AIFM2: variants seen among roughly 807,000 people sequenced by gnomAD.
AIFM2 encodes AIF family member 2, ferroptosis suppressor.
Under a neutral mutation model 35.7 loss-of-function variants are expected in AIFM2, and 38 were observed. That is an observed-to-expected ratio of 1.06 (90% confidence interval 0.82 to 1.39). The LOEUF (loss-of-function observed/expected upper bound fraction) is 1.39, where lower values mean the gene tolerates loss of function less well. AIFM2 is among the 40% of genes most tolerant of loss of function. The pLI is 0.00. For missense variants in AIFM2, 476 were observed against 491.2 expected (o/e 0.97, Z 0.29); for synonymous variants, 185 against 203.5 (o/e 0.91, Z 0.77).
Position 70,113,989 on chromosome 10 carries a change from G to A in AIFM2, c.*189C>T, listed in dbSNP as rs2072404574. ...TCCAAACCCAGAAAGTATCCTCTAA[G>A]GGGGGTATTTGTTTAATACCTCTCT... On this transcript the variant is annotated 3_prime_UTR_variant, in exon 9 of 9. Transcript: ENST00000307864. The A allele has an allele frequency of 7.1e-6, 5 of 707,184 alleles. No individual in the cohort carries two copies. Among genetic ancestry groups the A allele is most frequent in the Non-Finnish European group, 1.1e-5 (5 of 448,226 alleles). 43.8% of individuals were successfully genotyped at this position (707,184 alleles called of 1,614,324 possible).
At chr10:70,118,744 A>G (rs1198388029) in intron 5 of AIFM2, among the ~76,000 whole-genome samples, 3 of 152,216 alleles carry the variant, frequency 2.0e-5, no homozygotes, top group African/African-American at 7.2e-5. Flanking sequence ...AAATTGGGGT[A>G]CTAAGAATCA....
chr10:70,118,803 T>C (rs530038422), intron 5 of AIFM2, among the ~76,000 whole-genome samples: 5 of 152,168 alleles, frequency 3.3e-5, no homozygotes, highest in Non-Finnish European at 7.3e-5. Context: ...ACAGAGCTCC[T>C]GAGATCTTTG....
chr10:70,123,911 C>G lies in AIFM2; in HGVS notation c.174G>C (p.Glu58Asp). 6.3e-7 allele frequency: 1 copy of G among 1,579,474 alleles called. No individual in the cohort carries two copies. The part of the protein sequence containing the change: ...HNVAALRASV[E>D]TGFAKKTFIS... ...CCCCAGACGGGAGCACATTACCTGT[C>G]TCCACGGAGGCTCGGAGAGCAGCCA... Residue 58 changes from glutamate to aspartate, a missense_variant, in exon 2 of 9, where the codon GAG (glutamate) becomes GAC (aspartate). Physicochemically the swap from Glu to Asp is conservative, Grantham distance 45 (BLOSUM62 2). Transcript: ENST00000307864.
chr10:70,130,182 CA>C (rs920789192), intron 1 of AIFM2, among the ~76,000 whole-genome samples: 104 of 151,678 alleles, frequency 6.9e-4, no homozygotes, highest in Middle Eastern at 3.4e-3. Flanking sequence ...GACTCTGTCT[CA>C]AAAAAAAATT....
intron 1 of AIFM2, among the ~76,000 whole-genome samples, chr10:70,128,586 C>T (rs2072593817): frequency 6.6e-6 from 1 of 152,230 alleles, no homozygotes; most frequent in Non-Finnish European, 1.5e-5. Context: ...TGGTCTCGAA[C>T]TCCTGACCTC....
At chr10:70,129,126 A>AT (rs35700120) in intron 1 of AIFM2, among the ~76,000 whole-genome samples, 5,465 of 133,872 alleles carry the variant, frequency 0.041, 140 homozygotes, top group Non-Finnish European at 0.057. Context: ...GAGCTGGCTA[A>AT]TTTTTTTTTT....
chr10:70,127,697 G>A (rs2072584005), intron 1 of AIFM2, among the ~76,000 whole-genome samples: 2 of 152,188 alleles, frequency 1.3e-5, no homozygotes, highest in Admixed American at 6.5e-5. Context: ...TGACCCCCAG[G>A]CCCCTAGTAT....
chr10:70,115,680 C>T (rs1418872134), intron 7 of AIFM2, among the ~76,000 whole-genome samples: 2 of 152,164 alleles, frequency 1.3e-5, no homozygotes, highest in Admixed American at 6.5e-5. Context: ...GCACAAGAGT[C>T]GCTTGAACCC....
At chr10:70,114,412 G>GA in intron 8 of AIFM2, 83 bp from the exon 9 acceptor site, 8 of 1,541,054 alleles carry the variant, frequency 5.2e-6, no homozygotes, top group Non-Finnish European at 7.0e-6. Context: ...CCTTCCCGAG[G>GA]CCTTCAGACT....
rs150269882 is a variant in AIFM2 at position 70,130,355 on chromosome 10, C to T, written c.-14+2379G>A. On this transcript the variant is annotated intron_variant, in intron 1 of 8. Coordinates refer to ENST00000307864, the MANE Select transcript of AIFM2 (RefSeq NM_032797.6). ...CTAGCCCTGGGTAGCTACTAATGTT[C>T]TTTCTGTCTCTATAGATTTGTCTGT... 1.4e-3 allele frequency among the ~76,000 whole-genome samples: 213 copies of T among 152,254 alleles called. 3 individuals carry two copies. In the East Asian group the frequency reaches 0.014, roughly 10 times the overall value.
rs2072628999 is a variant in AIFM2, at chr10:70,131,724, G to C, written c.-14+1010C>G. Among the ~76,000 whole-genome samples the C allele has an allele frequency of 6.6e-6, 1 of 152,166 alleles. No individual in the cohort carries two copies. The highest frequency in any genetic ancestry group is 2.1e-4 in the South Asian group (1 of 4,830). ...TGCCCAGCCCATCACTTCTGGGCTA[G>C]GTAGTGCTAAGCCTGCCCAGCCCAC... On this transcript the variant is annotated intron_variant, in intron 1 of 8. Coordinates refer to ENST00000307864, the MANE Select transcript of AIFM2 (RefSeq NM_032797.6). This position sits in a 1 kb window ranked among gnomAD's most constrained non-coding sequence, Gnocchi z 4.1.
At chr10:70,114,576 G>C (rs1207675770) in intron 8 of AIFM2, among the ~76,000 whole-genome samples, 1 of 152,138 alleles carries the variant, frequency 6.6e-6, no homozygotes, top group Non-Finnish European at 1.5e-5. Context: ...CTGGGTTCAA[G>C]CCATTCTCCT....
At chr10:70,124,648 G>T (rs956768088) in intron 1 of AIFM2, among the ~76,000 whole-genome samples, 2 of 152,166 alleles carry the variant, frequency 1.3e-5, no homozygotes, top group Non-Finnish European at 2.9e-5. Flanking sequence ...AAAGAACCAG[G>T]TGGGCAATGT....
chr10:70,123,614 CA>C, intron 2 of AIFM2, 94 bp from the exon 3 acceptor site: 1 of 1,166,330 alleles, frequency 8.6e-7, no homozygotes, highest in Non-Finnish European at 1.3e-6. Context: ...TGCAAACCAA[CA>C]GGGGTGCCCT....
rs1179516002 is a variant in AIFM2 at position 70,117,876 on chromosome 10, G to A, written c.552C>T (p.Leu184=). Residue 184 remains leucine, a synonymous_variant, in exon 6 of 9, where the codon CTC becomes CTT. Transcript: ENST00000307864. This position sits in a 1 kb window ranked among gnomAD's most constrained non-coding sequence, Gnocchi z 4.7. ...HSQVALADKE[L]LPSVRQEVKE... ...TCACTTCCTGCCGGACGGAGGGCAG[G>A]AGCTCCTTGTCAGCCAGGGCCACTT... The A allele has an allele frequency of 8.7e-6, 14 of 1,607,082 alleles. No homozygotes were observed. The highest frequency in any genetic ancestry group is 1.1e-5 in the South Asian group (1 of 90,196).
chr10:70,123,409 C>G lies in AIFM2; in HGVS notation c.290G>C (p.Gly97Ala). The change falls in exon 3 of 9, where the codon GGC (glycine) becomes GCC (alanine). Residue 97 changes from glycine (G) to alanine (A), a missense_variant. Physicochemically the swap from Gly to Ala is moderately conservative, Grantham distance 60. Transcript: ENST00000307864. ...GCCGGGCTGGCCCTCACTCACCTCG[C>G]CACCCTGCAGCAGCACCATCTGGTT... Reference protein sequence around the residue: ...LKNQMVLLQGGEALPFSHLIL... With the variant: ...LKNQMVLLQGAEALPFSHLIL... 1 of 1,613,990 alleles carries G rather than the reference C, an allele frequency of 6.2e-7. No homozygotes were observed. Among genetic ancestry groups the G allele is most frequent in the Non-Finnish European group, 8.5e-7 (1 of 1,179,902 alleles).
intron 1 of AIFM2, among the ~76,000 whole-genome samples, chr10:70,124,919 G>A (rs921452700): frequency 1.3e-5 from 2 of 152,166 alleles, no homozygotes; most frequent in Admixed American, 6.5e-5. Flanking sequence ...TCCCAAAAAG[G>A]AACAGTGTTA....
Position 70,114,886 on chromosome 10 carries a change from A to G in AIFM2, c.970+34T>C, listed in dbSNP as rs773312641. On this transcript the variant is annotated intron_variant, in intron 8 of 8. Transcript: ENST00000307864. ...TTCCCCATGTTTAACCCCAAACTCTATTAAAACTGCAAAGCACATGGGGCC... is the reference window on the plus strand; with the variant it reads ...TTCCCCATGTTTAACCCCAAACTCTGTTAAAACTGCAAAGCACATGGGGCC... 5.0e-6 allele frequency: 8 copies of G among 1,608,652 alleles called. No individual in the cohort carries two copies. The African/African-American group carries it at 9.4e-5, about 19-fold the overall frequency.
In AIFM2 at chr10:70,117,080, A is replaced by G. The variant is rs914267625; in HGVS notation, c.617-306T>C. ...ATGGAAGATCTCAGACGCGCCTCTTATGAGTGCCAGCCGTGCCATCCTAAC... is the reference window on the plus strand; with the variant it reads ...ATGGAAGATCTCAGACGCGCCTCTTGTGAGTGCCAGCCGTGCCATCCTAAC... On this transcript the variant is annotated intron_variant, in intron 6 of 8. Transcript: ENST00000307864. The surrounding 1 kb of genome is among the most constrained non-coding windows in gnomAD (Gnocchi z 4.7). Among the ~76,000 whole-genome samples, 13 of 152,230 alleles carry G rather than the reference A, an allele frequency of 8.5e-5. No homozygotes were observed. Among genetic ancestry groups the G allele is most frequent in the Non-Finnish European group, 2.9e-5 (2 of 68,034 alleles).
Sources: gnomAD v4.1 joint callset for allele counts (sites outside exome capture counted in the v4.1 genomes callset) on GRCh38, gnomAD v4.1.1 for gene constraint, Gnocchi (gnomAD v3.1) non-coding constraint, MANE v1.5 for transcripts, NCBI Gene and HGNC (gene_info 2026-07-23, HGNC 2026-07-21) for gene names.